ZNRF1: variants seen among roughly 807,000 people sequenced by gnomAD.
ZNRF1 encodes the protein zinc and ring finger 1.
A neutral mutation model predicts 18.4 loss-of-function variants in ZNRF1; 3 were observed. The observed-to-expected ratio is 0.16, with a 90% CI of 0.07 to 0.42. The LOEUF (loss-of-function observed/expected upper bound fraction) is 0.42. Among genes scored for constraint, ZNRF1 ranks in the 10% least tolerant of loss-of-function variants. The pLI, the probability that ZNRF1 is intolerant of heterozygous loss-of-function variation, is 0.99. For synonymous variants in ZNRF1, 157 were observed against 144.2 expected, an observed-to-expected ratio of 1.09 and a Z score of -0.64; for missense variants, 310 against 329.8, an observed-to-expected ratio of 0.94 and a Z score of 0.47.
In ZNRF1 at chr16:75,051,289, C is replaced by T. The variant is rs148374380; in HGVS notation, c.425-42283C>T. Among the ~76,000 whole-genome samples the T allele has an allele frequency of 2.6e-5, 4 of 152,120 alleles. No homozygotes were observed. The East Asian group carries it at 5.8e-4, about 22-fold the overall frequency. On this transcript the variant is annotated intron_variant, in intron 1 of 4. Transcript: ENST00000335325. The stretch of plus-strand genomic sequence containing the variant: ...GTGGCACAATCTCAGCTCACTGCAG[C>T]CTCTGCCTCCCGGGTTCAAGCAATT...
At chr16:75,075,857 G>T (rs773557152) in intron 1 of ZNRF1, among the ~76,000 whole-genome samples, 5 of 152,232 alleles carry the variant, frequency 3.3e-5, no homozygotes, top group Non-Finnish European at 5.9e-5. Flanking sequence ...AGAGATTGGA[G>T]CAGGTTCAAG....
At chr16:75,035,077 G>T (rs902539924) in intron 1 of ZNRF1, among the ~76,000 whole-genome samples, 2 of 151,958 alleles carry the variant, frequency 1.3e-5, no homozygotes, top group South Asian at 4.2e-4. Context: ...AGTGCAGTGC[G>T]TGAGTTCCAA....
At chr16:75,077,607 G>T (rs1282729234) in intron 1 of ZNRF1, among the ~76,000 whole-genome samples, 1 of 152,188 alleles carries the variant, frequency 6.6e-6, no homozygotes, top group Non-Finnish European at 1.5e-5. Context: ...TTCATTTCCT[G>T]TTGTTGCTGT....
chr16:75,010,531 T>A (rs966755021), intron 1 of ZNRF1, among the ~76,000 whole-genome samples: 1 of 152,068 alleles, frequency 6.6e-6, no homozygotes, highest in African/African-American at 2.4e-5. Flanking sequence ...TTTGGAGAAA[T>A]TTCACTTCGT....
chr16:75,036,658 G>A (rs953482873), intron 1 of ZNRF1, among the ~76,000 whole-genome samples: 3 of 145,628 alleles, frequency 2.1e-5, no homozygotes, highest in African/African-American at 5.1e-5. Context: ...CTGTCTAAAT[G>A]TAGAAACAAC....
chr16:75,044,438 G>A (rs1254455012), intron 1 of ZNRF1, among the ~76,000 whole-genome samples: 1 of 152,114 alleles, frequency 6.6e-6, no homozygotes, highest in East Asian at 1.9e-4. Context: ...TGTTGGCCAG[G>A]CTGGTCTCAA....
At chr16:75,064,317 A>G (rs1392506130) in intron 1 of ZNRF1, among the ~76,000 whole-genome samples, 1 of 151,812 alleles carries the variant, frequency 6.6e-6, no homozygotes, top group African/African-American at 2.4e-5. Flanking sequence ...AATAATAATA[A>G]TTAAATAAAC....
At chr16:75,036,883 C>A (rs184725909) in intron 1 of ZNRF1, among the ~76,000 whole-genome samples, 5 of 152,196 alleles carry the variant, frequency 3.3e-5, no homozygotes, top group African/African-American at 1.2e-4. Context: ...AGAGTATATT[C>A]GAGAAGATGC....
At chr16:75,002,728 G>C (rs1423942456) in intron 1 of ZNRF1, among the ~76,000 whole-genome samples, 1 of 152,190 alleles carries the variant, frequency 6.6e-6, no homozygotes, top group Non-Finnish European at 1.5e-5. Flanking sequence ...ACGAGCTCCA[G>C]CCTTGCTCCG....
chr16:75,016,397 C>T (rs2035069765), intron 1 of ZNRF1, among the ~76,000 whole-genome samples: 1 of 151,916 alleles, frequency 6.6e-6, no homozygotes, highest in Non-Finnish European at 1.5e-5. Context: ...CGCCACCACA[C>T]CCTACTAATT....
intron 1 of ZNRF1, among the ~76,000 whole-genome samples, chr16:75,079,142 C>A (rs2035979721): frequency 6.6e-6 from 1 of 152,204 alleles, no homozygotes; most frequent in Non-Finnish European, 1.5e-5. Flanking sequence ...GCTTAGAATT[C>A]ATGGTCCTTC....
intron 1 of ZNRF1, among the ~76,000 whole-genome samples, chr16:75,054,452 G>A (rs2035644456): frequency 6.6e-6 from 1 of 152,170 alleles, no homozygotes. Context: ...CCAGGCACTG[G>A]CTCATCTTTT....
At chr16:75,040,984 T>G (rs969700053) in intron 1 of ZNRF1, among the ~76,000 whole-genome samples, 1 of 152,202 alleles carries the variant, frequency 6.6e-6, no homozygotes, top group East Asian at 1.9e-4. Flanking sequence ...TTTTTATTGC[T>G]AAATAGTATT....
intron 1 of ZNRF1, among the ~76,000 whole-genome samples, chr16:75,048,561 G>A (rs1009803215): frequency 6.6e-6 from 1 of 152,224 alleles, no homozygotes; most frequent in African/African-American, 2.4e-5. Flanking sequence ...ACAAGTGGCA[G>A]TTGATGTGGG....
At chr16:75,099,198 C>A (rs2145426705) in intron 2 of ZNRF1, among the ~76,000 whole-genome samples, 1 of 152,324 alleles carries the variant, frequency 6.6e-6, no homozygotes, top group African/African-American at 2.4e-5. Flanking sequence ...GCTGCATGAG[C>A]TTATCCGAAG....
intron 1 of ZNRF1, among the ~76,000 whole-genome samples, chr16:75,058,084 C>T (rs565439392): frequency 2.0e-5 from 3 of 149,980 alleles, no homozygotes; most frequent in African/African-American, 7.3e-5. Flanking sequence ...GATACTTGAC[C>T]TGCCCTTTTT....
chr16:75,000,227 C>A, intron 1 of ZNRF1, 132 bp downstream of exon 1: 3 of 1,322,892 alleles, frequency 2.3e-6, no homozygotes, highest in Non-Finnish European at 3.2e-6. Flanking sequence ...TTCCCGATGC[C>A]AAGGGATAAA....
chr16:75,076,194 T>G (rs189318345), intron 1 of ZNRF1, among the ~76,000 whole-genome samples: 2 of 152,230 alleles, frequency 1.3e-5, no homozygotes, highest in South Asian at 4.1e-4. Flanking sequence ...ATATCTATTA[T>G]ATGTTTTAAT....
At chr16:75,097,658 AAAC>A (rs1276575676) in intron 2 of ZNRF1, among the ~76,000 whole-genome samples, 1 of 152,126 alleles carries the variant, frequency 6.6e-6, no homozygotes, top group African/African-American at 2.4e-5. Context: ...CATTTACTAA[AAAC>A]AAAAAATTTG....
Sources: allele counts gnomAD v4.1 joint callset (sites outside exome capture counted in the v4.1 genomes callset), GRCh38; gene constraint gnomAD v4.1.1; transcripts MANE v1.5; gene names NCBI Gene and HGNC (gene_info 2026-07-23, HGNC 2026-07-21).